ANTXR2: variants seen among roughly 807,000 people sequenced by gnomAD.
ANTXR2 encodes ANTXR cell adhesion molecule 2.
A neutral mutation model predicts 73.7 loss-of-function variants in ANTXR2; 44 were observed. The ratio of observed to expected loss-of-function variants is 0.60; its 90% CI spans 0.47 to 0.77. The LOEUF is 0.77. Ranked by LOEUF, ANTXR2 falls within the 30% of genes least tolerant of loss-of-function variation. The pLI, the probability that ANTXR2 is intolerant of heterozygous loss-of-function variation, is 0.00. For missense variants in ANTXR2, 604 were observed against 592.5 expected, an observed-to-expected ratio of 1.02 and a Z score of -0.20; for synonymous variants, 217 against 205.9, an observed-to-expected ratio of 1.05 and a Z score of -0.46.
At chr4:80,042,508 G>C (rs1010641844) in intron 7 of ANTXR2, among the ~76,000 whole-genome samples, 1 of 151,874 alleles carries the variant, frequency 6.6e-6, no homozygotes, top group African/African-American at 2.4e-5. Context: ...CCCCCTCACT[G>C]TCTCACCTAG....
chr4:79,929,240 C>T (rs750520784), intron 16 of ANTXR2, among the ~76,000 whole-genome samples: 3 of 152,098 alleles, frequency 2.0e-5, no homozygotes, highest in Non-Finnish European at 4.4e-5. Flanking sequence ...GGAGGGCAGG[C>T]GCAGTGGCTC....
chr4:79,915,477 T>G (rs1034106796), intron 16 of ANTXR2, among the ~76,000 whole-genome samples: 1 of 152,146 alleles, frequency 6.6e-6, no homozygotes, highest in African/African-American at 2.4e-5. Context: ...GCTCACCTCA[T>G]AAATATCCAT....
In ANTXR2 at chr4:80,027,356, C is replaced by A. The variant is rs903763405; in HGVS notation, c.866+4267G>T. Reference sequence around the variant, plus strand: ...CAGGAAAAATAGATTAGGCTTAATACTGAAAAAAAAAGTTGAAGAAAATAA... The same window carrying A: ...CAGGAAAAATAGATTAGGCTTAATAATGAAAAAAAAAGTTGAAGAAAATAA... On this transcript the variant is annotated intron_variant, in intron 10 of 16. Coordinates refer to ENST00000403729, the MANE Select transcript of ANTXR2 (RefSeq NM_058172.6). Among the ~76,000 whole-genome samples the A allele has an allele frequency of 2.0e-5, 3 of 151,806 alleles. No homozygotes were observed. In the South Asian group the frequency reaches 6.3e-4, roughly 32 times the overall value.
In ANTXR2 at chr4:79,986,782, C is replaced by T. The variant is rs903140884; in HGVS notation, c.1042-1919G>A. Among the ~76,000 whole-genome samples, 3 of 152,268 alleles carry T rather than the reference C, an allele frequency of 2.0e-5. No individual in the cohort carries two copies. In the East Asian group the frequency reaches 5.8e-4, roughly 29 times the overall value. ...GCCAGCAGTCTGGGAACACCCCAGT[C>T]CTTCCAGTGCAGAAAGTGTTTGACC... is the stretch of plus-strand genomic sequence containing the variant. On this transcript the variant is annotated intron_variant, in intron 12 of 16. Coordinates refer to ENST00000403729, the MANE Select transcript of ANTXR2 (RefSeq NM_058172.6).
chr4:80,062,793 A>G (rs1734324002), intron 3 of ANTXR2, among the ~76,000 whole-genome samples: 1 of 152,212 alleles, frequency 6.6e-6, no homozygotes, highest in East Asian at 1.9e-4. Flanking sequence ...GTGCTCATGC[A>G]CAGCATCAGG....
chr4:80,025,971 C>G (rs527806143), intron 10 of ANTXR2, among the ~76,000 whole-genome samples: 1 of 152,226 alleles, frequency 6.6e-6, no homozygotes, highest in African/African-American at 2.4e-5. Context: ...TAAGCACTTT[C>G]CATTTGCTGT....
At chr4:80,060,145 A>T (rs1734178502) in intron 3 of ANTXR2, among the ~76,000 whole-genome samples, 1 of 152,188 alleles carries the variant, frequency 6.6e-6, no homozygotes, top group African/African-American at 2.4e-5. Context: ...CAGTGATGTG[A>T]GAATTCCTCA....
chr4:80,017,548 C>A (rs1483166557), intron 11 of ANTXR2, among the ~76,000 whole-genome samples: 2 of 152,156 alleles, frequency 1.3e-5, no homozygotes, highest in African/African-American at 4.8e-5. Context: ...ACCTATACAT[C>A]CCACATGAGT....
At chr4:80,031,531 AAGAT>A in intron 10 of ANTXR2, 88 bp downstream of exon 10, 3 of 1,044,150 alleles carry the variant, frequency 2.9e-6, no homozygotes, top group South Asian at 3.6e-5. Context: ...ATATCAAAAA[AAGAT>A]AGAATAAAAT....
At position 80,031,603 on chromosome 4, in the gene ANTXR2, GT is replaced by G; in HGVS notation, c.866+19del. 6.9e-7 allele frequency: 1 copy of G among 1,441,444 alleles called. No homozygotes were observed. Among genetic ancestry groups the G allele is most frequent in the African/African-American group, 1.5e-5 (1 of 66,626 alleles). The allele number at this position is 1,441,444 out of a possible 1,614,324, so 89.3% of individuals were successfully genotyped here. ...TTTTTACTAAAAATGTTATAAAATT[GT>G]TTTAAATTAAGTACTTACTCTCCAG... On this transcript the variant is annotated intron_variant, in intron 10 of 16. Coordinates refer to ENST00000403729, the MANE Select transcript of ANTXR2 (RefSeq NM_058172.6).
At chr4:80,033,613 C>G (rs779833114) in intron 8 of ANTXR2, 43 bp from the exon 9 acceptor site, 14 of 1,421,744 alleles carry the variant, frequency 9.8e-6, no homozygotes, top group Non-Finnish European at 1.3e-5. Flanking sequence ...ACTGCTTTAC[C>G]AAAAAAATAA....
chr4:79,992,294 T>G (rs1469600136), intron 12 of ANTXR2, among the ~76,000 whole-genome samples: 1 of 151,962 alleles, frequency 6.6e-6, no homozygotes, highest in Admixed American at 6.6e-5. Flanking sequence ...TTGATGTCAT[T>G]GATAATGTTT....
At chr4:79,980,353 G>A (rs1729834819) in intron 14 of ANTXR2, among the ~76,000 whole-genome samples, 1 of 152,086 alleles carries the variant, frequency 6.6e-6, no homozygotes, top group Non-Finnish European at 1.5e-5. Context: ...ATATATATGT[G>A]TATGTGTATG....
chr4:80,006,395 A>C (rs1212036577), intron 12 of ANTXR2, among the ~76,000 whole-genome samples: 2 of 152,010 alleles, frequency 1.3e-5, no homozygotes, highest in Non-Finnish European at 1.5e-5. Context: ...TACTTTAGAA[A>C]ACGTTTGCTA....
At chr4:79,923,298 A>G (rs1041908428) in intron 16 of ANTXR2, among the ~76,000 whole-genome samples, 5 of 152,162 alleles carry the variant, frequency 3.3e-5, no homozygotes, top group Non-Finnish European at 7.3e-5. Flanking sequence ...CTATAAAATG[A>G]TATTTCAGTT....
At chr4:80,028,420 A>C (rs2110078772) in intron 10 of ANTXR2, among the ~76,000 whole-genome samples, 1 of 152,234 alleles carries the variant, frequency 6.6e-6, no homozygotes, top group South Asian at 2.1e-4. Context: ...TTAAAAGAAT[A>C]ATCCTCAAAC....
chr4:80,002,457 C>T (rs1731093659), intron 12 of ANTXR2, among the ~76,000 whole-genome samples: 1 of 152,176 alleles, frequency 6.6e-6, no homozygotes, highest in Non-Finnish European at 1.5e-5. Context: ...CATAAAAACC[C>T]TAGAAGAAAA....
At chr4:80,014,073 G>A (rs1252506822) in intron 11 of ANTXR2, among the ~76,000 whole-genome samples, 1 of 152,068 alleles carries the variant, frequency 6.6e-6, no homozygotes, top group East Asian at 1.9e-4. Context: ...CTTCACCTTG[G>A]AATTCTATCT....
At chr4:80,017,704 A>G (rs1367548035) in intron 11 of ANTXR2, among the ~76,000 whole-genome samples, 3 of 152,192 alleles carry the variant, frequency 2.0e-5, no homozygotes, top group Admixed American at 6.5e-5. Flanking sequence ...AAGGAATGCC[A>G]TTTCAGTGAG....
Sources: gnomAD v4.1 joint callset for allele counts (sites outside exome capture counted in the v4.1 genomes callset) on GRCh38, gnomAD v4.1.1 for gene constraint, MANE v1.5 for transcripts, NCBI Gene and HGNC (gene_info 2026-07-23, HGNC 2026-07-21) for gene names.